TIAM1: variants seen among roughly 807,000 people sequenced by gnomAD.
The protein encoded by TIAM1 is rho guanine nucleotide exchange factor TIAM1.
A neutral mutation model predicts 163.5 loss-of-function variants in TIAM1; 65 were observed. That is an observed-to-expected ratio of 0.40 (90% confidence interval 0.33 to 0.49). TIAM1 has a LOEUF of 0.49. Among genes scored for constraint, TIAM1 ranks in the 20% least tolerant of loss-of-function variants. The pLI is 0.77. For missense variants in TIAM1, 1,789 were observed against 2,044.7 expected (o/e 0.87, Z 2.41); for synonymous variants, 833 against 810.1 (o/e 1.03, Z -0.48).
intron 13 of TIAM1, among the ~76,000 whole-genome samples, chr21:31,190,549 C>T (rs145722169): frequency 4.0e-4 from 61 of 152,214 alleles, no homozygotes; most frequent in African/African-American, 1.4e-3. Context: ...ATAACAAGCA[C>T]AGGCACCTAT....
At chr21:31,399,909 T>C (rs1342762451) in intron 2 of TIAM1, among the ~76,000 whole-genome samples, 1 of 152,102 alleles carries the variant, frequency 6.6e-6, no homozygotes, top group Non-Finnish European at 1.5e-5. Context: ...CAGACCTTTT[T>C]CAGAGAATGT....
chr21:31,170,037 G>A (rs1427207789), intron 15 of TIAM1, among the ~76,000 whole-genome samples: 1 of 152,012 alleles, frequency 6.6e-6, no homozygotes, highest in African/African-American at 2.4e-5. Flanking sequence ...CAAGATAATA[G>A]AAACAAATAA....
intron 2 of TIAM1, among the ~76,000 whole-genome samples, chr21:31,296,149 A>T (rs2074256245): frequency 6.6e-6 from 1 of 152,164 alleles, no homozygotes; most frequent in African/African-American, 2.4e-5. Context: ...AAATAGTATG[A>T]TCATTTTGGT....
At chr21:31,220,055 T>G (rs2146606994) in intron 8 of TIAM1, among the ~76,000 whole-genome samples, 1 of 152,326 alleles carries the variant, frequency 6.6e-6, no homozygotes, top group South Asian at 2.1e-4. Context: ...GAAAAAAATG[T>G]CCATTTGGCC....
chr21:31,260,470 C>A (rs960639639), intron 4 of TIAM1, among the ~76,000 whole-genome samples: 9 of 151,394 alleles, frequency 5.9e-5, no homozygotes, highest in Admixed American at 2.0e-4. Context: ...AACTCCTGAC[C>A]TGAAATGACC....
At chr21:31,243,996 G>A (rs1259977006) in intron 6 of TIAM1, among the ~76,000 whole-genome samples, 1 of 152,170 alleles carries the variant, frequency 6.6e-6, no homozygotes, top group Non-Finnish European at 1.5e-5. Flanking sequence ...AGTGGGGTGG[G>A]GTTGGGGAAG....
chr21:31,190,347 G>A (rs2085496650), intron 13 of TIAM1, among the ~76,000 whole-genome samples: 1 of 152,134 alleles, frequency 6.6e-6, no homozygotes, highest in African/African-American at 2.4e-5. Context: ...AGGAGGTTGA[G>A]GCTGCAGGGA....
At chr21:31,414,338 G>A (rs986979297) in intron 2 of TIAM1, among the ~76,000 whole-genome samples, 1 of 152,158 alleles carries the variant, frequency 6.6e-6, no homozygotes, top group Non-Finnish European at 1.5e-5. Flanking sequence ...TCTGCAGGTG[G>A]TTTTCATCAG....
chr21:31,213,564 C>T, intron 9 of TIAM1, 92 bp from the exon 10 acceptor site: 1 of 1,032,622 alleles, frequency 9.7e-7, no homozygotes, highest in African/African-American at 1.6e-5. Context: ...ATGGCTATGA[C>T]AAAACCTTAC....
intron 19 of TIAM1, among the ~76,000 whole-genome samples, chr21:31,152,389 C>CA (rs2083419203): frequency 6.6e-6 from 1 of 152,174 alleles, no homozygotes; most frequent in Non-Finnish European, 1.5e-5. Context: ...CCACATAAAC[C>CA]AAACAAAAGG....
At chr21:31,360,518 A>G (rs922608084) in intron 2 of TIAM1, among the ~76,000 whole-genome samples, 1 of 152,164 alleles carries the variant, frequency 6.6e-6, no homozygotes, top group Non-Finnish European at 1.5e-5. Context: ...TAGGATAGAC[A>G]TTAAAAAGCC....
chr21:31,181,846 G>A (rs2085045336), intron 15 of TIAM1, among the ~76,000 whole-genome samples: 1 of 120,636 alleles, frequency 8.3e-6, no homozygotes, highest in Non-Finnish European at 1.6e-5. Flanking sequence ...ATGCAGCAGT[G>A]CAATCACAGC....
chr21:31,480,492 C>T (rs1351242019), intron 1 of TIAM1, among the ~76,000 whole-genome samples: 1 of 152,174 alleles, frequency 6.6e-6, no homozygotes, highest in Non-Finnish European at 1.5e-5. Context: ...CTTTCTCATC[C>T]TTAGCTACCC....
intron 2 of TIAM1, among the ~76,000 whole-genome samples, chr21:31,313,337 T>C (rs916573978): frequency 6.6e-6 from 1 of 152,174 alleles, no homozygotes; most frequent in African/African-American, 2.4e-5. Context: ...TGTTTAGCTC[T>C]TTGTGTGTTT....
chr21:31,392,634 T>C (rs2147198711), intron 2 of TIAM1, among the ~76,000 whole-genome samples: 1 of 151,330 alleles, frequency 6.6e-6, no homozygotes, highest in South Asian at 2.1e-4. Context: ...TGTTGTCATT[T>C]GTCCCCTCCA....
chr21:31,152,060 C>T (rs1245912746), intron 19 of TIAM1, among the ~76,000 whole-genome samples: 1 of 121,726 alleles, frequency 8.2e-6, no homozygotes, highest in Non-Finnish European at 1.6e-5. Context: ...AAGACGGAGC[C>T]TCGTTCTTGT....
intron 16 of TIAM1, 90 bp from the exon 17 acceptor site, chr21:31,154,516 G>C: frequency 7.3e-7 from 1 of 1,365,582 alleles, no homozygotes; most frequent in South Asian, 1.5e-5. Flanking sequence ...TGTTCTCCCT[G>C]GTTAGTCAAC....
intron 5 of TIAM1, among the ~76,000 whole-genome samples, chr21:31,247,324 T>G (rs2071556640): frequency 6.6e-6 from 1 of 151,816 alleles, no homozygotes; most frequent in Non-Finnish European, 1.5e-5. Flanking sequence ...AAAATAAAAA[T>G]GAAAGATAAA....
intron 2 of TIAM1, among the ~76,000 whole-genome samples, chr21:31,454,696 T>C (rs1343052338): frequency 6.6e-6 from 1 of 152,160 alleles, no homozygotes; most frequent in Non-Finnish European, 1.5e-5. Flanking sequence ...AGTAAAGATA[T>C]GAAGGATAAT....
Sources: allele counts gnomAD v4.1 joint callset (sites outside exome capture counted in the v4.1 genomes callset), GRCh38; gene constraint gnomAD v4.1.1; transcripts MANE v1.5; gene names NCBI Gene and HGNC (gene_info 2026-07-23, HGNC 2026-07-21).